PRKD3: variants seen among roughly 807,000 people sequenced by gnomAD.
PRKD3 encodes serine/threonine-protein kinase D3.
In PRKD3, 47 loss-of-function variants were observed where a neutral mutation model predicts 99.2. The observed-to-expected ratio is 0.47, with a 90% CI of 0.38 to 0.60. The LOEUF (loss-of-function observed/expected upper bound fraction) is 0.60, where lower values mean the gene tolerates loss of function less well. PRKD3 is among the 20% of genes least tolerant of loss of function. PRKD3 has a pLI of 0.00. For missense variants in PRKD3, 1,019 were observed against 1,088.4 expected (o/e 0.94, Z 0.90); for synonymous variants, 392 against 355.4 (o/e 1.10, Z -1.16).
At chr2:37,293,039 C>A in intron 3 of PRKD3, 94 bp downstream of exon 3, 3 of 1,271,534 alleles carry the variant, frequency 2.4e-6, no homozygotes, top group African/African-American at 1.5e-5. Context: ...AACAATAATA[C>A]AAAGACTAAA....
rs1387102332 is a variant in PRKD3 at position 37,286,254 on chromosome 2, G to A, written c.833C>T (p.Ser278Phe). ...CTGACATATCGTGGGACGGGTGTAA[G>A]AGTGAACAGCAAATGTGTGTGGAAC... is the stretch of plus-strand genomic sequence containing the variant. ...VKVPHTFAVHSYTRPTICQYC... is the reference protein window; with the variant it reads ...VKVPHTFAVHFYTRPTICQYC... Residue 278 changes from serine to phenylalanine, a missense_variant, in exon 6 of 19, where the codon TCT (serine) becomes TTT (phenylalanine). By Grantham distance (155) the Ser-to-Phe change is radical (BLOSUM62 -2). Transcript: ENST00000234179. 1 of 1,614,000 alleles carries A rather than the reference G, an allele frequency of 6.2e-7. No individual in the cohort carries two copies. The highest frequency in any genetic ancestry group is 8.5e-7 in the Non-Finnish European group (1 of 1,180,000).
At chr2:37,322,802 C>T (rs1463834561) in intron 1 of PRKD3, among the ~76,000 whole-genome samples, 1 of 152,100 alleles carries the variant, frequency 6.6e-6, no homozygotes, top group Non-Finnish European at 1.5e-5. Flanking sequence ...ATTACATAAT[C>T]AGCGAGACTC....
chr2:37,296,605 C>G (rs775813529), intron 2 of PRKD3, among the ~76,000 whole-genome samples: 26 of 151,782 alleles, frequency 1.7e-4, no homozygotes, highest in Admixed American at 1.3e-4. Flanking sequence ...TTAGAAATTA[C>G]GTAAGAGTCA....
At chr2:37,266,739 T>C (rs999129199) in intron 14 of PRKD3, among the ~76,000 whole-genome samples, 3 of 152,112 alleles carry the variant, frequency 2.0e-5, no homozygotes, top group African/African-American at 4.8e-5. Context: ...CCACCCGCCT[T>C]GGCCTCCCAA....
At chr2:37,272,319 C>T in intron 12 of PRKD3, 61 bp downstream of exon 12, 1 of 1,579,302 alleles carries the variant, frequency 6.3e-7, no homozygotes, top group South Asian at 1.2e-5. Context: ...TAAAGATTTT[C>T]ACCTTTTATT....
intron 11 of PRKD3, among the ~76,000 whole-genome samples, chr2:37,273,169 A>G (rs1323810356): frequency 2.0e-5 from 3 of 152,172 alleles, no homozygotes; most frequent in East Asian, 3.8e-4. Flanking sequence ...ACTTTAATAC[A>G]TTTATTGCCT....
chr2:37,275,719 A>G, intron 10 of PRKD3, 48 bp downstream of exon 10: 1 of 1,528,104 alleles, frequency 6.5e-7, no homozygotes, highest in Non-Finnish European at 8.8e-7. Context: ...TCTGAAAAAA[A>G]CATACACTAT....
At chr2:37,289,123 A>AC (rs1670262357) in intron 5 of PRKD3, among the ~76,000 whole-genome samples, 2 of 152,090 alleles carry the variant, frequency 1.3e-5, no homozygotes, top group African/African-American at 4.8e-5. Flanking sequence ...GAGCCAGGAT[A>AC]CTGACTAGAA....
intron 5 of PRKD3, among the ~76,000 whole-genome samples, chr2:37,288,855 A>T (rs933807901): frequency 3.3e-5 from 5 of 152,084 alleles, no homozygotes; most frequent in Non-Finnish European, 1.5e-5. Context: ...GGAATTCAAG[A>T]CCAGCCTGTC....
intron 2 of PRKD3, among the ~76,000 whole-genome samples, chr2:37,312,507 T>C (rs777307847): frequency 6.6e-6 from 1 of 152,228 alleles, no homozygotes; most frequent in East Asian, 1.9e-4. Context: ...TTCCAGCTCT[T>C]ATAGTGTAAA....
chr2:37,315,202 T>A (rs763336105), intron 2 of PRKD3, among the ~76,000 whole-genome samples: 1 of 152,130 alleles, frequency 6.6e-6, no homozygotes, highest in Admixed American at 6.5e-5. Context: ...ATATAACCAA[T>A]TCATACAACC....
In PRKD3 at chr2:37,256,841, G is replaced by C. The variant is rs1384565056; in HGVS notation, c.2234C>G (p.Pro745Arg). The C allele has an allele frequency of 6.2e-7, 1 of 1,613,852 alleles. No homozygotes were observed. Among genetic ancestry groups the C allele is most frequent in the East Asian group, 2.2e-5 (1 of 44,876 alleles). ...SVVGTPAYLAPEVLRSKGYNR... is the reference protein window; with the variant it reads ...SVVGTPAYLAREVLRSKGYNR... ...GTAACCTTTGCTCCGGAGAACTTCA[G>C]GGGCTAAGTATGCTGGAGTTCCTAC... The change falls in exon 17 of 19, where the codon CCT (proline) becomes CGT (arginine). Residue 745 changes from proline (P) to arginine (R), a missense_variant. Transcript: ENST00000234179.
At chr2:37,256,992 TAA>T in intron 16 of PRKD3, 63 bp from the exon 17 acceptor site, 1 of 1,523,576 alleles carries the variant, frequency 6.6e-7, no homozygotes. Flanking sequence ...TACCTGTCCC[TAA>T]ATATAACACT....
chr2:37,266,094 T>C lies in PRKD3; in HGVS notation c.1884+1336A>G, dbSNP rs1014361399. ...ATGCTATTAATATTCTATTTAAAGG[T>C]AGCTTTATAGGAGGAGACAGCCTTG... On this transcript the variant is annotated intron_variant, in intron 14 of 18. Coordinates refer to ENST00000234179, the MANE Select transcript of PRKD3 (RefSeq NM_005813.6). Among the ~76,000 whole-genome samples the C allele has an allele frequency of 5.3e-5, 8 of 152,326 alleles. No individual in the cohort carries two copies. The East Asian group carries it at 1.5e-3, about 29-fold the overall frequency.
intron 16 of PRKD3, among the ~76,000 whole-genome samples, chr2:37,257,747 C>T (rs1326678485): frequency 2.0e-5 from 3 of 150,158 alleles, no homozygotes; most frequent in Admixed American, 1.3e-4. Flanking sequence ...AATCTCTTTT[C>T]CTAAGGATGT....
At chr2:37,257,615 G>A (rs1460118065) in intron 16 of PRKD3, among the ~76,000 whole-genome samples, 1 of 139,748 alleles carries the variant, frequency 7.2e-6, no homozygotes, top group South Asian at 2.3e-4. Flanking sequence ...GCAGTGAGTC[G>A]AGATTACGCC....
chr2:37,281,570 C>T (rs1191668958), intron 7 of PRKD3, among the ~76,000 whole-genome samples: 1 of 152,124 alleles, frequency 6.6e-6, no homozygotes, highest in East Asian at 1.9e-4. Flanking sequence ...TGCCATCAAC[C>T]AGGAAACGGA....
chr2:37,324,034 G>A (rs1671997782), intron 1 of PRKD3, among the ~76,000 whole-genome samples: 1 of 152,156 alleles, frequency 6.6e-6, no homozygotes, highest in Admixed American at 6.5e-5. Flanking sequence ...AGTAGTATAT[G>A]GTTATTTTCA....
intron 13 of PRKD3, chr2:37,268,139 C>G (rs983866249): frequency 2.9e-6 from 1 of 347,938 alleles, no homozygotes; most frequent in African/African-American, 2.2e-5. Flanking sequence ...GTGAAAATGA[C>G]AGGTATATTT....
Sources: gnomAD v4.1 joint callset for allele counts (sites outside exome capture counted in the v4.1 genomes callset) on GRCh38, gnomAD v4.1.1 for gene constraint, MANE v1.5 for transcripts, NCBI Gene and HGNC (gene_info 2026-07-23, HGNC 2026-07-21) for gene names.